The following ADCY2 variants were observed in gnomAD, a reference collection of about 807,000 sequenced individuals.
ADCY2 encodes the protein adenylate cyclase type 2.
ADCY2 carries 31 observed loss-of-function variants against 125.2 expected under a neutral mutation model. The observed-to-expected ratio is 0.25, with a 90% CI of 0.19 to 0.33. ADCY2 has a LOEUF of 0.33. Ranked by LOEUF, ADCY2 falls within the 10% of genes least tolerant of loss-of-function variation. The pLI is 1.00. For synonymous variants in ADCY2, 512 were observed against 548.4 expected (o/e 0.93, Z 0.93); for missense variants, 904 against 1,418.2 (o/e 0.64, Z 5.82).
intron 2 of ADCY2, among the ~76,000 whole-genome samples, chr5:7,510,016 C>T (rs1423828046): frequency 6.6e-6 from 1 of 152,112 alleles, no homozygotes; most frequent in Non-Finnish European, 1.5e-5. Context: ...AGCTCTCCGT[C>T]AGTAAAACAG....
At chr5:7,419,664 C>T (rs1579425967) in intron 2 of ADCY2, among the ~76,000 whole-genome samples, 1 of 152,140 alleles carries the variant, frequency 6.6e-6, no homozygotes, top group East Asian at 1.9e-4. Flanking sequence ...GGGGTCTAAG[C>T]CCCCAGATAA....
At chr5:7,420,160 G>C (rs1170447314) in intron 2 of ADCY2, among the ~76,000 whole-genome samples, 1 of 152,148 alleles carries the variant, frequency 6.6e-6, no homozygotes, top group Non-Finnish European at 1.5e-5. Flanking sequence ...AGAAGCTGGG[G>C]ATGCTGCTAA....
At chr5:7,440,149 G>A (rs1740958007) in intron 2 of ADCY2, among the ~76,000 whole-genome samples, 1 of 152,110 alleles carries the variant, frequency 6.6e-6, no homozygotes, top group South Asian at 2.1e-4. Context: ...CTGAGGAGAG[G>A]GTGCTCAGGT....
Position 7,396,452 on chromosome 5 carries a change from C to G in ADCY2, c.156C>G (p.Leu52=), listed in dbSNP as rs1739041176. The change falls in exon 1 of 25, where the codon CTC becomes CTG. Residue 52 remains leucine, a synonymous_variant. Transcript: ENST00000338316. The surrounding 1 kb of genome is among the most constrained non-coding windows in gnomAD (Gnocchi z 5.7). ...QQHPLIVFLL[L]IVMGSCLALL... ...ACCCGCTCATCGTCTTCCTGCTGCT[C>G]ATCGTCATGGGCTCCTGCCTCGCCC... is the stretch of plus-strand genomic sequence containing the variant. 1 of 1,578,256 alleles carries G rather than the reference C, an allele frequency of 6.3e-7. No homozygotes were observed. Among genetic ancestry groups the G allele is most frequent in the Non-Finnish European group, 8.6e-7 (1 of 1,162,706 alleles).
intron 3 of ADCY2, among the ~76,000 whole-genome samples, chr5:7,567,187 C>T (rs1418201801): frequency 6.6e-6 from 1 of 152,016 alleles, no homozygotes; most frequent in African/African-American, 2.4e-5. Context: ...TTGCTGCAGG[C>T]TTTGATTTTT....
chr5:7,497,328 T>G (rs1253059570), intron 2 of ADCY2, among the ~76,000 whole-genome samples: 2 of 152,152 alleles, frequency 1.3e-5, no homozygotes, highest in African/African-American at 4.8e-5. Context: ...GGTTTATAAT[T>G]AAAAGAATAA....
intron 4 of ADCY2, among the ~76,000 whole-genome samples, chr5:7,645,243 T>C (rs1738855351): frequency 6.6e-6 from 1 of 152,194 alleles, no homozygotes; most frequent in South Asian, 2.1e-4. Flanking sequence ...GCAAATGGCC[T>C]AAAGAAAGTC....
chr5:7,592,801 G>C (rs1236286975), intron 3 of ADCY2, among the ~76,000 whole-genome samples: 1 of 152,040 alleles, frequency 6.6e-6, no homozygotes, highest in Non-Finnish European at 1.5e-5. Context: ...TCTTGTACCA[G>C]GCAATGAAGA....
chr5:7,824,531 A>T, intron 24 of ADCY2, among the ~76,000 whole-genome samples: 1 of 152,146 alleles, frequency 6.6e-6, no homozygotes. Context: ...CCTGAGTTTC[A>T]TTGGTTTTCT....
intron 16 of ADCY2, among the ~76,000 whole-genome samples, chr5:7,758,953 G>T (rs546802570): frequency 2.0e-5 from 3 of 152,292 alleles, no homozygotes; most frequent in African/African-American, 7.2e-5. Context: ...TCCAGGTCAC[G>T]CGAGAGATCG....
intron 3 of ADCY2, among the ~76,000 whole-genome samples, chr5:7,567,870 A>G (rs940730459): frequency 6.6e-6 from 1 of 152,176 alleles, no homozygotes; most frequent in Admixed American, 6.6e-5. Flanking sequence ...ACACTGAATT[A>G]TCAAAAAGCA....
intron 3 of ADCY2, among the ~76,000 whole-genome samples, chr5:7,526,404 A>G (rs1734463626): frequency 6.6e-6 from 1 of 152,220 alleles, no homozygotes; most frequent in African/African-American, 2.4e-5. Context: ...GTTCGGTAGT[A>G]TGGTAGGGAA....
intron 3 of ADCY2, among the ~76,000 whole-genome samples, chr5:7,585,746 G>C (rs996194409): frequency 6.6e-6 from 1 of 152,130 alleles, no homozygotes; most frequent in African/African-American, 2.4e-5. Context: ...TAGGATTATG[G>C]CATTCAAGTT....
At chr5:7,707,046 T>C in intron 8 of ADCY2, 144 bp downstream of exon 8, 1 of 1,033,240 alleles carries the variant, frequency 9.7e-7, no homozygotes, top group Non-Finnish European at 1.4e-6. Context: ...AACGGCCTCT[T>C]ATGTTAAGCA....
At chr5:7,746,839 G>T (rs75891372) in intron 15 of ADCY2, among the ~76,000 whole-genome samples, 3,840 of 152,272 alleles carry the variant, frequency 0.025, 68 homozygotes, top group Non-Finnish European at 0.038. Flanking sequence ...GGTCAGCCTG[G>T]CTAATGTTTT....
At position 7,784,312 on chromosome 5, in the gene ADCY2, A is replaced by G. The variant is rs1744015914; in HGVS notation, c.2385-53A>G. 1.9e-5 allele frequency: 24 copies of G among 1,257,698 alleles called. No homozygotes were observed. In the South Asian group the frequency reaches 2.9e-4, roughly 15 times the overall value. 77.9% of individuals were successfully genotyped at this position (1,257,698 alleles called of 1,614,324 possible). ...TTGATATTCAAATTCTAAGTCCTGT[A>G]TGCGTGTTGTTTTGTTGCATTGTTG... On this transcript the variant is annotated intron_variant, in intron 18 of 24. Transcript: ENST00000338316.
intron 6 of ADCY2, among the ~76,000 whole-genome samples, chr5:7,696,736 A>C (rs1740905875): frequency 6.6e-6 from 1 of 152,240 alleles, no homozygotes; most frequent in African/African-American, 2.4e-5. Flanking sequence ...TCTTAGGAAT[A>C]AATCTGGCTT....
rs1394639673 is a variant in ADCY2, at chr5:7,711,728, G to T, written c.1579-1128G>T. Among the ~76,000 whole-genome samples the T allele has an allele frequency of 4.6e-5, 7 of 152,242 alleles. No individual in the cohort carries two copies. The East Asian group carries it at 1.4e-3, about 29-fold the overall frequency. On this transcript the variant is annotated intron_variant, in intron 10 of 24. Coordinates refer to ENST00000338316, the MANE Select transcript of ADCY2 (RefSeq NM_020546.3). ...TTGAGTGCCTCAACTTCAGAAATTT[G>T]TTTATAAAAATCAAAGGACCTCTTG...
intron 2 of ADCY2, among the ~76,000 whole-genome samples, chr5:7,453,705 A>G (rs1741558109): frequency 1.3e-5 from 2 of 152,058 alleles, no homozygotes; most frequent in Admixed American, 1.3e-4. Context: ...ATACGTTGGC[A>G]TACTTCCGGG....
Sources: allele counts gnomAD v4.1 joint callset (sites outside exome capture counted in the v4.1 genomes callset), GRCh38; gene constraint gnomAD v4.1.1; non-coding constraint Gnocchi (gnomAD v3.1); transcripts MANE v1.5; gene names NCBI Gene and HGNC (gene_info 2026-07-23, HGNC 2026-07-21).